CHCHD3: variants seen among roughly 807,000 people sequenced by gnomAD.
CHCHD3 encodes the protein MICOS complex subunit MIC19.
A neutral mutation model predicts 38.2 loss-of-function variants in CHCHD3; 20 were observed. The observed-to-expected ratio is 0.52, with a 90% CI of 0.37 to 0.76. CHCHD3 has a LOEUF of 0.76. Ranked by LOEUF, CHCHD3 falls within the 30% of genes least tolerant of loss-of-function variation. The pLI is 0.00. For synonymous variants in CHCHD3, 82 were observed against 100.0 expected, an observed-to-expected ratio of 0.82 and a Z score of 1.07; for missense variants, 245 against 279.2, an observed-to-expected ratio of 0.88 and a Z score of 0.87.
chr7:132,800,541 G>T (rs1335679020), intron 6 of CHCHD3, among the ~76,000 whole-genome samples: 1 of 151,960 alleles, frequency 6.6e-6, no homozygotes, highest in African/African-American at 2.4e-5. Flanking sequence ...AGGATAATAA[G>T]GTAACTTCAG....
intron 1 of CHCHD3, among the ~76,000 whole-genome samples, chr7:133,078,311 T>A (rs1412449636): frequency 6.6e-6 from 1 of 152,060 alleles, no homozygotes; most frequent in Non-Finnish European, 1.5e-5. Context: ...TCGTCTCAAA[T>A]AAATAAATAA....
chr7:132,949,446 G>C (rs553508567), intron 4 of CHCHD3, among the ~76,000 whole-genome samples: 1 of 152,222 alleles, frequency 6.6e-6, no homozygotes, highest in African/African-American at 2.4e-5. Context: ...TACTAATGAA[G>C]TTTAAAATCA....
At chr7:133,044,614 C>T (rs766186730) in intron 2 of CHCHD3, among the ~76,000 whole-genome samples, 15 of 152,192 alleles carry the variant, frequency 9.9e-5, no homozygotes, top group Non-Finnish European at 1.8e-4. Context: ...TTCTCCAGCC[C>T]TATTGTAATC....
intron 4 of CHCHD3, among the ~76,000 whole-genome samples, chr7:132,954,033 T>C (rs537957335): frequency 7.9e-5 from 12 of 152,308 alleles, no homozygotes; most frequent in Non-Finnish European, 1.5e-4. Flanking sequence ...GAGATATTTA[T>C]GCTATGGGAT....
intron 2 of CHCHD3, among the ~76,000 whole-genome samples, chr7:133,059,691 G>C (rs1056483568): frequency 6.6e-6 from 1 of 152,154 alleles, no homozygotes; most frequent in Non-Finnish European, 1.5e-5. Flanking sequence ...GGTCTGCTAC[G>C]ATTGAGACCT....
At chr7:132,820,956 A>C (rs1807359729) in intron 6 of CHCHD3, among the ~76,000 whole-genome samples, 1 of 152,228 alleles carries the variant, frequency 6.6e-6, no homozygotes, top group South Asian at 2.1e-4. Context: ...ATGTATGTCT[A>C]ACCACATTAT....
chr7:132,800,682 C>T (rs1248538626), intron 6 of CHCHD3, among the ~76,000 whole-genome samples: 5 of 152,048 alleles, frequency 3.3e-5, no homozygotes, highest in Non-Finnish European at 4.4e-5. Flanking sequence ...TCACTCATTA[C>T]GAGTCTAGGC....
chr7:132,793,481 C>G (rs1806518300), intron 7 of CHCHD3, among the ~76,000 whole-genome samples: 1 of 152,094 alleles, frequency 6.6e-6, no homozygotes, highest in African/African-American at 2.4e-5. Context: ...AGTTAATACA[C>G]AAGAAATAAT....
chr7:132,867,714 T>C (rs1001463763), intron 5 of CHCHD3, among the ~76,000 whole-genome samples: 2 of 152,132 alleles, frequency 1.3e-5, no homozygotes, highest in African/African-American at 4.8e-5. Context: ...TTAGAGTAAA[T>C]GAATGATGAG....
At chr7:133,038,350 T>C (rs1171672803) in intron 2 of CHCHD3, among the ~76,000 whole-genome samples, 1 of 152,212 alleles carries the variant, frequency 6.6e-6, no homozygotes, top group Non-Finnish European at 1.5e-5. Flanking sequence ...GTTTCTTATG[T>C]ACACTATCTA....
chr7:133,032,336 C>T (rs980540327), intron 2 of CHCHD3, among the ~76,000 whole-genome samples: 9 of 152,088 alleles, frequency 5.9e-5, no homozygotes, highest in African/African-American at 2.2e-4. Flanking sequence ...TGGCTACTTA[C>T]GCATTAAAGT....
At chr7:132,943,778 G>A (rs1047917351) in intron 4 of CHCHD3, among the ~76,000 whole-genome samples, 2 of 152,120 alleles carry the variant, frequency 1.3e-5, no homozygotes, top group Non-Finnish European at 2.9e-5. Context: ...GAAAAGGAAA[G>A]TTATGAATGA....
At chr7:133,039,187 T>G (rs1033859227) in intron 2 of CHCHD3, among the ~76,000 whole-genome samples, 1 of 152,218 alleles carries the variant, frequency 6.6e-6, no homozygotes, top group Non-Finnish European at 1.5e-5. Flanking sequence ...CAAAAATATT[T>G]TAAATACCTA....
intron 1 of CHCHD3, among the ~76,000 whole-genome samples, chr7:133,072,633 A>T (rs1383642430): frequency 6.6e-6 from 1 of 151,966 alleles, no homozygotes; most frequent in Non-Finnish European, 1.5e-5. Flanking sequence ...AGGTCAGGAG[A>T]TCGAGACCAT....
At position 133,002,912 on chromosome 7, in the gene CHCHD3, T is replaced by A. The variant is rs753491988; in HGVS notation, c.251+21634A>T. 5.9e-5 allele frequency among the ~76,000 whole-genome samples: 9 copies of A among 152,302 alleles called. No homozygotes were observed. In the East Asian group the frequency reaches 1.7e-3, roughly 29 times the overall value. ...GAGCAAAAATAAAAATGAAAATGAA[T>A]GACACTGTTATGTAGTTTGATTACA... On this transcript the variant is annotated intron_variant, in intron 3 of 7. Transcript: ENST00000262570.
chr7:133,027,363 A>AAGTGAGAGAGAG (rs1813370940), intron 2 of CHCHD3, among the ~76,000 whole-genome samples: 1 of 133,792 alleles, frequency 7.5e-6, no homozygotes, highest in Non-Finnish European at 1.6e-5. Flanking sequence ...AATAAGTTGT[A>AAGTGAGAGAGAG]AGAGAGAGAG....
intron 2 of CHCHD3, among the ~76,000 whole-genome samples, chr7:133,031,531 T>C (rs1235099814): frequency 6.6e-6 from 1 of 152,032 alleles, no homozygotes; most frequent in Admixed American, 6.6e-5. Flanking sequence ...ACACTATAAT[T>C]CCCTCCCCAA....
chr7:132,965,297 A>G (rs976594003), intron 4 of CHCHD3, among the ~76,000 whole-genome samples: 1 of 152,158 alleles, frequency 6.6e-6, no homozygotes. Flanking sequence ...GGCACAGAAG[A>G]TCAGAGTTGT....
chr7:133,056,094 T>C (rs1814323484), intron 2 of CHCHD3, among the ~76,000 whole-genome samples: 3 of 151,566 alleles, frequency 2.0e-5, no homozygotes, highest in South Asian at 4.2e-4. Context: ...GCTGCAGTGA[T>C]CTATGATCAC....
Sources: allele counts gnomAD v4.1 joint callset (sites outside exome capture counted in the v4.1 genomes callset), GRCh38; gene constraint gnomAD v4.1.1; transcripts MANE v1.5; gene names NCBI Gene and HGNC (gene_info 2026-07-23, HGNC 2026-07-21).